GPC5: variants seen among roughly 807,000 people sequenced by gnomAD.
GPC5 encodes the protein glypican-5.
In GPC5, 47 loss-of-function variants were observed where a neutral mutation model predicts 53.9. The observed-to-expected ratio is 0.87, with a 90% CI of 0.69 to 1.11. The LOEUF (loss-of-function observed/expected upper bound fraction) is 1.11. Ranked by LOEUF, GPC5 falls within the 50% of genes most tolerant of loss-of-function variation. GPC5 has a pLI of 0.00. For synonymous variants in GPC5, 286 were observed against 263.3 expected (o/e 1.09, Z -0.84); for missense variants, 748 against 713.1 (o/e 1.05, Z -0.56).
chr13:92,020,381 T>G (rs2040747157), intron 6 of GPC5, among the ~76,000 whole-genome samples: 2 of 152,136 alleles, frequency 1.3e-5, no homozygotes, highest in South Asian at 4.1e-4. Context: ...ATTTTTAAGT[T>G]TGTTGTTAAG....
At chr13:92,295,848 T>A (rs1167002266) in intron 7 of GPC5, among the ~76,000 whole-genome samples, 2 of 152,170 alleles carry the variant, frequency 1.3e-5, no homozygotes, top group Non-Finnish European at 2.9e-5. Flanking sequence ...TTTGTGTGAG[T>A]CCTTATGCGT....
At chr13:92,758,776 T>G (rs190789647) in intron 7 of GPC5, among the ~76,000 whole-genome samples, 56 of 152,264 alleles carry the variant, frequency 3.7e-4, no homozygotes, top group African/African-American at 1.3e-3. Context: ...TCCTGAGTTT[T>G]TTGTGTGATA....
intron 5 of GPC5, among the ~76,000 whole-genome samples, chr13:91,872,040 A>C (rs2352187): frequency 0.62 from 93,250 of 151,508 alleles, 29,499 homozygotes; most frequent in East Asian, 0.96. Context: ...TGAAAATACC[A>C]AAGCAGAGAG....
chr13:92,239,748 G>A (rs1028433012), intron 7 of GPC5: 2 of 64,174 alleles, frequency 3.1e-5, no homozygotes, highest in Non-Finnish European at 7.1e-5. Flanking sequence ...TTGTACATGA[G>A]GTCCATTATA....
rs376508585 is a variant in GPC5 at position 92,178,024 on chromosome 13, C to A, written c.1561+33035C>A. Among the ~76,000 whole-genome samples, 6 of 152,306 alleles carry A rather than the reference C, an allele frequency of 3.9e-5. No homozygotes were observed. The East Asian group carries it at 9.6e-4, about 24-fold the overall frequency. ...TTTCTGGAAGCTTGGAGCTGAAAGA[C>A]TGAAACTATTCTGGCACATGGAAGT... is the stretch of plus-strand genomic sequence containing the variant. On this transcript the variant is annotated intron_variant, in intron 7 of 7. Transcript: ENST00000377067.
chr13:92,741,452 T>C (rs1889091267), intron 7 of GPC5, among the ~76,000 whole-genome samples: 1 of 151,976 alleles, frequency 6.6e-6, no homozygotes, highest in Admixed American at 6.6e-5. Flanking sequence ...CTTGGCCTTC[T>C]CAGCCTTCAT....
chr13:92,284,977 G>A (rs2042943169), intron 7 of GPC5, among the ~76,000 whole-genome samples: 3 of 152,236 alleles, frequency 2.0e-5, no homozygotes, highest in South Asian at 2.1e-4. Context: ...TGACATGATT[G>A]TATATCTAGA....
In GPC5 at chr13:91,546,352, A is replaced by G. The variant is rs149482934; in HGVS notation, c.325+97430A>G. On this transcript the variant is annotated intron_variant, in intron 2 of 7. Transcript: ENST00000377067. The stretch of plus-strand genomic sequence containing the variant: ...GTTTATGTCTAGGTGAGTAAACAAA[A>G]CTGGATTAAAATTAACATTAGATAT... Among the ~76,000 whole-genome samples the G allele has an allele frequency of 3.3e-3, 500 of 152,192 alleles. 1 individual carries two copies. Among genetic ancestry groups the G allele is most frequent in the Admixed American group, 0.011 (169 of 15,272 alleles).
intron 6 of GPC5, among the ~76,000 whole-genome samples, chr13:92,020,607 A>C (rs2040749180): frequency 1.3e-5 from 2 of 150,906 alleles, no homozygotes; most frequent in African/African-American, 4.9e-5. Context: ...CTATTTATAT[A>C]CCTGTTGGCC....
chr13:92,048,806 A>T (rs181741481), intron 6 of GPC5, among the ~76,000 whole-genome samples: 1 of 152,188 alleles, frequency 6.6e-6, no homozygotes, highest in Admixed American at 6.5e-5. Flanking sequence ...TCTCAATTTC[A>T]TGAAGTTGAC....
In GPC5 at chr13:91,950,266, G is replaced by GTTTT. The variant is rs35957614; in HGVS notation, c.1401+42225_1401+42228dup. On this transcript the variant is annotated intron_variant, in intron 6 of 7. Coordinates refer to ENST00000377067, the MANE Select transcript of GPC5 (RefSeq NM_004466.6). Reference sequence around the variant, plus strand: ...CCCTGAATTTTACTAAAACTGCCAAGTTTTTTTTTTTTTTTTTTTCATGAA... The same window carrying GTTTT: ...CCCTGAATTTTACTAAAACTGCCAAGTTTTTTTTTTTTTTTTTTTTTTTCATGAA... 7.2e-3 allele frequency among the ~76,000 whole-genome samples: 879 copies of GTTTT among 122,622 alleles called. 24 individuals are homozygous for GTTTT. Among genetic ancestry groups the GTTTT allele is most frequent in the African/African-American group, 0.025 (818 of 32,652 alleles). 80.4% of individuals were successfully genotyped at this position (122,622 alleles called of 152,430 possible). A position where few individuals can be genotyped will look rare whatever the true frequency, so the allele number is the denominator to read the frequency against.
chr13:92,468,747 G>A (rs142664700), intron 7 of GPC5, among the ~76,000 whole-genome samples: 60 of 152,252 alleles, frequency 3.9e-4, no homozygotes, highest in African/African-American at 1.4e-3. Context: ...AGAACTGACT[G>A]AGCACTTTCA....
In GPC5 at chr13:92,543,746, A is replaced by G. The variant is rs374742157; in HGVS notation, c.1562-322536A>G. On this transcript the variant is annotated intron_variant, in intron 7 of 7. Transcript: ENST00000377067. ...ATTTTCTATTTTTTTAATGCAAGGAAGACTAAAATTTTTTATCTAAATATT... is the reference window on the plus strand; with the variant it reads ...ATTTTCTATTTTTTTAATGCAAGGAGGACTAAAATTTTTTATCTAAATATT... Among the ~76,000 whole-genome samples the G allele has an allele frequency of 1.3e-4, 20 of 152,236 alleles. No individual in the cohort carries two copies. In the East Asian group the frequency reaches 1.9e-3, roughly 15 times the overall value.
chr13:92,595,358 A>G (rs1223602882), intron 7 of GPC5, among the ~76,000 whole-genome samples: 1 of 152,196 alleles, frequency 6.6e-6, no homozygotes, highest in Non-Finnish European at 1.5e-5. Flanking sequence ...ATGCACAACT[A>G]TATGAGCTTA....
At chr13:91,669,857 T>C (rs952488772) in intron 2 of GPC5, among the ~76,000 whole-genome samples, 1 of 152,196 alleles carries the variant, frequency 6.6e-6, no homozygotes, top group Non-Finnish European at 1.5e-5. Flanking sequence ...TGCTTGTGTA[T>C]GTGTTTGAAG....
chr13:91,698,231 A>G (rs1372816210), intron 3 of GPC5, among the ~76,000 whole-genome samples: 1 of 152,278 alleles, frequency 6.6e-6, no homozygotes, highest in African/African-American at 2.4e-5. Flanking sequence ...TTTTTCAGCT[A>G]TTCTATCTAT....
At chr13:91,469,078 T>C (rs1178153948) in intron 2 of GPC5, among the ~76,000 whole-genome samples, 1 of 151,556 alleles carries the variant, frequency 6.6e-6, no homozygotes, top group Admixed American at 6.6e-5. Flanking sequence ...TTGTCTCTTC[T>C]CTCTTTTCTT....
At chr13:92,759,097 C>T (rs68156858) in intron 7 of GPC5, among the ~76,000 whole-genome samples, 40,164 of 147,674 alleles carry the variant, frequency 0.27, 5,809 homozygotes, top group East Asian at 0.41. Flanking sequence ...CCCACTGGTC[C>T]ACTGGTCTGT....
chr13:92,313,189 G>C lies in GPC5; in HGVS notation c.1561+168200G>C, dbSNP rs986525702. 3.9e-5 allele frequency among the ~76,000 whole-genome samples: 6 copies of C among 152,260 alleles called. No homozygotes were observed. In the East Asian group the frequency reaches 5.8e-4, roughly 15 times the overall value. On this transcript the variant is annotated intron_variant, in intron 7 of 7. Coordinates refer to ENST00000377067, the MANE Select transcript of GPC5 (RefSeq NM_004466.6). ...AGAACAAGAAAGCCAACATGAATAGGAGAGAGAGAAAATTACAACAAAGCA... is the reference window on the plus strand; with the variant it reads ...AGAACAAGAAAGCCAACATGAATAGCAGAGAGAGAAAATTACAACAAAGCA...
Sources: allele counts gnomAD v4.1 joint callset (sites outside exome capture counted in the v4.1 genomes callset), GRCh38; gene constraint gnomAD v4.1.1; transcripts MANE v1.5; gene names NCBI Gene and HGNC (gene_info 2026-07-23, HGNC 2026-07-21).